Variants in ACYP2 observed in about 807,000 individuals in gnomAD.
ACYP2 encodes acylphosphatase 2, also known as acylphosphatase-2.
A neutral mutation model predicts 11.2 loss-of-function variants in ACYP2; 12 were observed. The observed-to-expected ratio is 1.08, with a 90% CI of 0.69 to 1.74. The LOEUF is 1.74. ACYP2 is among the 40% of genes most tolerant of loss of function. The pLI is 0.00. For synonymous variants in ACYP2, 43 were observed against 32.2 expected (o/e 1.33, Z -1.13); for missense variants, 134 against 101.9 (o/e 1.31, Z -1.35).
intron 4 of ACYP2, among the ~76,000 whole-genome samples, chr2:54,079,253 T>C (rs1677517148): frequency 6.6e-6 from 1 of 152,218 alleles, no homozygotes; most frequent in Admixed American, 6.5e-5. Context: ...CAAGCACTCT[T>C]TTCACCTTTA....
At chr2:54,101,750 T>C (rs2103702766) in intron 4 of ACYP2, among the ~76,000 whole-genome samples, 1 of 152,142 alleles carries the variant, frequency 6.6e-6, no homozygotes, top group Middle Eastern at 3.4e-3. Context: ...TTCCTCCCTT[T>C]CTCCTTTTTA....
At chr2:54,117,530 G>A (rs907630531) in intron 4 of ACYP2, among the ~76,000 whole-genome samples, 1 of 152,104 alleles carries the variant, frequency 6.6e-6, no homozygotes, top group African/African-American at 2.4e-5. Context: ...TGGCTTCAAG[G>A]GATCCTCCTG....
chr2:54,259,791 T>C lies in ACYP2; in HGVS notation c.405-44897T>C, dbSNP rs191931626. Among the ~76,000 whole-genome samples the C allele has an allele frequency of 1.8e-4, 28 of 152,178 alleles. No homozygotes were observed. The East Asian group carries it at 5.4e-3, about 29-fold the overall frequency. On this transcript the variant is annotated intron_variant, in intron 6 of 6. Coordinates refer to ENST00000607452, the MANE Select transcript of ACYP2 (RefSeq NM_001320586.2). ...ACAAGAGTAGTCAAGCTACTTTCAG[T>C]GGAGTGGTGGGATAATAGCTTGGCT...
At chr2:54,000,309 T>C (rs1672743443) in intron 2 of ACYP2, among the ~76,000 whole-genome samples, 1 of 152,132 alleles carries the variant, frequency 6.6e-6, no homozygotes, top group Non-Finnish European at 1.5e-5. Context: ...TGTTGCCAAA[T>C]ACCAGGTCAA....
chr2:54,182,677 C>A (rs553712340), intron 6 of ACYP2, among the ~76,000 whole-genome samples: 1 of 152,196 alleles, frequency 6.6e-6, no homozygotes, highest in African/African-American at 2.4e-5. Flanking sequence ...GTCTGGACAG[C>A]CTTGTCTCTT....
intron 4 of ACYP2, among the ~76,000 whole-genome samples, chr2:54,078,072 GAATA>G (rs1677442134): frequency 6.6e-6 from 1 of 151,012 alleles, no homozygotes; most frequent in African/African-American, 2.4e-5. Flanking sequence ...CAGGCCTCCT[GAATA>G]GCTGGGATTA....
chr2:54,202,405 C>CTTTTTTT (rs61634500), intron 6 of ACYP2, among the ~76,000 whole-genome samples: 1,673 of 116,294 alleles, frequency 0.014, 87 homozygotes, highest in African/African-American at 0.056. Flanking sequence ...CTGTGCCTGG[C>CTTTTTTT]TTTTTTTTTT....
chr2:54,242,224 T>C (rs1449561767), intron 6 of ACYP2, among the ~76,000 whole-genome samples: 6 of 152,240 alleles, frequency 3.9e-5, no homozygotes, highest in Admixed American at 2.0e-4. Flanking sequence ...GACTGCAGTC[T>C]GCAGCAGTTG....
intron 6 of ACYP2, among the ~76,000 whole-genome samples, chr2:54,185,035 C>T (rs945043934): frequency 1.3e-5 from 2 of 151,994 alleles, no homozygotes; most frequent in Middle Eastern, 3.4e-3. Flanking sequence ...TTAGTAGAGA[C>T]GGGGTTTCAC....
At chr2:54,200,312 T>A (rs1288366869) in intron 6 of ACYP2, among the ~76,000 whole-genome samples, 2 of 152,168 alleles carry the variant, frequency 1.3e-5, no homozygotes, top group African/African-American at 4.8e-5. Context: ...TATATGCACA[T>A]ACTTGCCCTC....
chr2:54,220,330 G>T (rs1357414812), intron 6 of ACYP2, among the ~76,000 whole-genome samples: 1 of 152,022 alleles, frequency 6.6e-6, no homozygotes, highest in Non-Finnish European at 1.5e-5. Flanking sequence ...AAACACTTGT[G>T]TGCTTTTGAC....
At chr2:54,217,285 C>G (rs1050347209) in intron 6 of ACYP2, among the ~76,000 whole-genome samples, 1 of 152,214 alleles carries the variant, frequency 6.6e-6, no homozygotes, top group Non-Finnish European at 1.5e-5. Flanking sequence ...AGCACTTGAA[C>G]TGTGGCTGAT....
intron 2 of ACYP2, among the ~76,000 whole-genome samples, chr2:53,979,561 A>G (rs1342608633): frequency 6.6e-6 from 1 of 151,372 alleles, no homozygotes; most frequent in Non-Finnish European, 1.5e-5. Context: ...CGGGAGGTGG[A>G]GGTTGCAGTG....
chr2:54,138,157 T>A (rs1681369785), intron 5 of ACYP2, among the ~76,000 whole-genome samples: 2 of 152,190 alleles, frequency 1.3e-5, no homozygotes, highest in Admixed American at 1.3e-4. Flanking sequence ...TGATTTTCCC[T>A]CATTTTTGCT....
At chr2:54,034,639 T>G (rs1674775203) in intron 2 of ACYP2, among the ~76,000 whole-genome samples, 1 of 152,192 alleles carries the variant, frequency 6.6e-6, no homozygotes, top group African/African-American at 2.4e-5. Flanking sequence ...TTCTCAATGT[T>G]AAGTGACACA....
chr2:54,277,363 T>C (rs540831969), intron 6 of ACYP2, among the ~76,000 whole-genome samples: 2 of 152,234 alleles, frequency 1.3e-5, no homozygotes, highest in South Asian at 2.1e-4. Context: ...CACACACAAA[T>C]CCTTTAATAT....
At chr2:54,106,777 G>T (rs1204565787) in intron 4 of ACYP2, among the ~76,000 whole-genome samples, 1 of 152,086 alleles carries the variant, frequency 6.6e-6, no homozygotes, top group Admixed American at 6.6e-5. Context: ...TAGAGACGGG[G>T]TTTCACTGTG....
intron 6 of ACYP2, among the ~76,000 whole-genome samples, chr2:54,221,974 T>C (rs538787938): frequency 6.6e-6 from 1 of 152,300 alleles, no homozygotes; most frequent in South Asian, 2.1e-4. Flanking sequence ...GCCACACAAG[T>C]GTTTGGCATT....
chr2:54,049,663 C>T (rs1484803563), intron 2 of ACYP2, among the ~76,000 whole-genome samples: 2 of 152,122 alleles, frequency 1.3e-5, no homozygotes, highest in Non-Finnish European at 2.9e-5. Context: ...CTTCTTACTC[C>T]CCCCAAACAA....
Sources: gnomAD v4.1 joint callset for allele counts (sites outside exome capture counted in the v4.1 genomes callset) on GRCh38, gnomAD v4.1.1 for gene constraint, MANE v1.5 for transcripts, NCBI Gene and HGNC (gene_info 2026-07-23, HGNC 2026-07-21) for gene names.